The following RABEP1 variants were observed in gnomAD, a reference collection of about 807,000 sequenced individuals.
The protein encoded by RABEP1 is rabaptin, RAB GTPase binding effector protein 1.
RABEP1 carries 51 observed loss-of-function variants against 123.4 expected under a neutral mutation model. The ratio of observed to expected loss-of-function variants is 0.41; its 90% CI spans 0.33 to 0.52. The LOEUF is 0.52. RABEP1 is among the 20% of genes least tolerant of loss of function. The pLI is 0.16. For synonymous variants in RABEP1, 347 were observed against 355.2 expected, an observed-to-expected ratio of 0.98 and a Z score of 0.26; for missense variants, 888 against 996.3, an observed-to-expected ratio of 0.89 and a Z score of 1.46.
chr17:5,325,014 T>A (rs756878638), intron 2 of RABEP1, among the ~76,000 whole-genome samples: 61 of 152,160 alleles, frequency 4.0e-4, no homozygotes, highest in Admixed American at 8.5e-4. Flanking sequence ...TGGGTATATA[T>A]CCAAAAGAAA....
intron 8 of RABEP1, among the ~76,000 whole-genome samples, chr17:5,356,317 C>T (rs1909012649): frequency 6.6e-6 from 1 of 152,130 alleles, no homozygotes; most frequent in Admixed American, 6.6e-5. Context: ...GATTTTGCTA[C>T]TGCACTCCAG....
intron 1 of RABEP1, among the ~76,000 whole-genome samples, chr17:5,286,322 C>A (rs2074977381): frequency 1.3e-5 from 2 of 152,084 alleles, no homozygotes; most frequent in African/African-American, 4.8e-5. Context: ...GGTGAAACCC[C>A]ATCTCTACTA....
rs540312538 is a variant in RABEP1, at chr17:5,380,702, G to A, written c.2370+240G>A. On this transcript the variant is annotated intron_variant, in intron 16 of 17. Transcript: ENST00000537505. Reference sequence around the variant, plus strand: ...CTAGCTTCAGATAGTAGGCAGTCAGGGCCATTGACCAAGCCTGGGCACTGC... The same window carrying A: ...CTAGCTTCAGATAGTAGGCAGTCAGAGCCATTGACCAAGCCTGGGCACTGC... Among the ~76,000 whole-genome samples the A allele has an allele frequency of 1.4e-4, 22 of 152,330 alleles. No homozygotes were observed. The South Asian group carries it at 4.1e-3, about 29-fold the overall frequency.
intron 1 of RABEP1, among the ~76,000 whole-genome samples, chr17:5,288,805 G>A (rs2075004006): frequency 6.6e-6 from 1 of 152,090 alleles, no homozygotes; most frequent in South Asian, 2.1e-4. Context: ...CCAGGTTCAG[G>A]CGATTCTCGT....
intron 13 of RABEP1, among the ~76,000 whole-genome samples, chr17:5,376,557 T>G (rs961990554): frequency 6.6e-6 from 1 of 152,194 alleles, no homozygotes; most frequent in African/African-American, 2.4e-5. Context: ...ATAAATTCTA[T>G]ACTGAATTTA....
At chr17:5,361,112 C>G in intron 8 of RABEP1, 96 bp from the exon 9 acceptor site, 1 of 1,028,958 alleles carries the variant, frequency 9.7e-7, no homozygotes, top group Admixed American at 2.5e-5. Flanking sequence ...TAATGATTAT[C>G]ATGTGTAATG....
Position 5,332,299 on chromosome 17 carries a change from AGAG to A in RABEP1, c.367+148_367+150del, listed in dbSNP as rs1289517115. On this transcript the variant is annotated intron_variant, in intron 3 of 17. Coordinates refer to ENST00000537505, the MANE Select transcript of RABEP1 (RefSeq NM_004703.6). ...TCATCAAGATATACTTTCAGATAAA[AGAG>A]AAGTCACTAATAACATAAATGGATA... is the stretch of plus-strand genomic sequence containing the variant. 70 of 754,044 alleles carry A rather than the reference AGAG, an allele frequency of 9.3e-5. 1 individual carries two copies. The East Asian group carries it at 1.8e-3, about 19-fold the overall frequency. The allele number at this position is 754,044 out of a possible 1,614,324, so 46.7% of individuals were successfully genotyped here. A position where few individuals can be genotyped will look rare whatever the true frequency, so the allele number is the denominator to read the frequency against.
At position 5,384,396 on chromosome 17, in the gene RABEP1, A is replaced by T. The variant is rs1263436782; in HGVS notation, c.*1173A>T. The T allele has an allele frequency of 9.4e-6, 2 of 213,238 alleles. No homozygotes were observed. The highest frequency in any genetic ancestry group is 4.5e-5 in the African/African-American group (2 of 44,356). 13.2% of individuals were successfully genotyped at this position (213,238 alleles called of 1,614,324 possible). ...CAATACCTGCTGAGAGTACTGTCCC[A>T]GGAATATCCAGTGGATGGATTCATC... is the stretch of plus-strand genomic sequence containing the variant. On this transcript the variant is annotated 3_prime_UTR_variant, in exon 18 of 18. Coordinates refer to ENST00000537505, the MANE Select transcript of RABEP1 (RefSeq NM_004703.6).
rs146209656 is a variant in RABEP1 at position 5,298,503 on chromosome 17, T to G, written c.35-10191T>G. ...ATTCTTTATGAATAGTTCTCCACTC[T>G]GAATTGTGTGTGTATGTGCATAATG... On this transcript the variant is annotated intron_variant, in intron 1 of 17. Coordinates refer to ENST00000537505, the MANE Select transcript of RABEP1 (RefSeq NM_004703.6). Among the ~76,000 whole-genome samples the G allele has an allele frequency of 9.8e-4, 149 of 152,348 alleles. 1 individual carries two copies. The highest frequency in any genetic ancestry group is 3.5e-3 in the African/African-American group (147 of 41,584).
chr17:5,346,990 AATAAC>A, intron 6 of RABEP1, 65 bp downstream of exon 6: 1 of 1,246,876 alleles, frequency 8.0e-7, no homozygotes, highest in Non-Finnish European at 1.1e-6. Context: ...GATGTTGACT[AATAAC>A]AGTGACAAAT....
chr17:5,313,137 C>T (rs2075261579), intron 2 of RABEP1, among the ~76,000 whole-genome samples: 1 of 152,136 alleles, frequency 6.6e-6, no homozygotes, highest in African/African-American at 2.4e-5. Flanking sequence ...TCTGGTTATT[C>T]AGTATCTTTA....
chr17:5,291,773 T>C (rs2075036049), intron 1 of RABEP1, among the ~76,000 whole-genome samples: 1 of 152,032 alleles, frequency 6.6e-6, no homozygotes, highest in Non-Finnish European at 1.5e-5. Flanking sequence ...CCTGATGGTG[T>C]GCGCCTGTAA....
intron 3 of RABEP1, among the ~76,000 whole-genome samples, chr17:5,333,345 G>A (rs1288412872): frequency 2.6e-5 from 4 of 151,906 alleles, no homozygotes; most frequent in African/African-American, 9.7e-5. Flanking sequence ...TGTATTTTTA[G>A]TAGAGACTGG....
chr17:5,284,186 A>T (rs1301759821), intron 1 of RABEP1: 1 of 152,318 alleles, frequency 6.6e-6, no homozygotes, highest in East Asian at 1.9e-4. Context: ...TGAAGATATG[A>T]AATGGTCTTC....
At chr17:5,298,473 A>G (rs1029578684) in intron 1 of RABEP1, among the ~76,000 whole-genome samples, 1 of 152,206 alleles carries the variant, frequency 6.6e-6, no homozygotes, top group Non-Finnish European at 1.5e-5. Context: ...ACCAGAGATT[A>G]TGATATTCTT....
intron 16 of RABEP1, 78 bp from the exon 17 acceptor site, chr17:5,381,311 G>C (rs1367157247): frequency 6.4e-7 from 1 of 1,552,878 alleles, no homozygotes; most frequent in Non-Finnish European, 8.7e-7. Flanking sequence ...CCTAGTAGTA[G>C]GTAACTACAA....
rs1339524631 is a variant in RABEP1, at chr17:5,301,441, TAGAC to T, written c.35-7250_35-7247del. Among the ~76,000 whole-genome samples, 5 of 152,272 alleles carry T rather than the reference TAGAC, an allele frequency of 3.3e-5. No individual in the cohort carries two copies. In the East Asian group the frequency reaches 7.7e-4, roughly 24 times the overall value. On this transcript the variant is annotated intron_variant, in intron 1 of 17. Transcript: ENST00000537505. ...GTAAGAAGACTATGCAAAGGATTGA[TAGAC>T]AGCCATGGATATGGCAGTTGTCAAC...
chr17:5,320,421 C>CAAAAAAAAAAAAAAAAA (rs60202531), intron 2 of RABEP1, among the ~76,000 whole-genome samples: 45 of 84,620 alleles, frequency 5.3e-4, no homozygotes, highest in Middle Eastern at 8.2e-3. Context: ...GCTAACACAC[C>CAAAAAAAAAAAAAAAAA]AAAAAAAAAA....
In RABEP1 at chr17:5,308,710, G is replaced by A; in HGVS notation, c.51G>A (p.Arg17=). 6.2e-7 allele frequency: 1 copy of A among 1,611,296 alleles called. No individual in the cohort carries two copies. The highest frequency in any genetic ancestry group is 8.5e-7 in the Non-Finnish European group (1 of 1,178,970). ...TTCCCCCAGTTTCTCTTCAGCAACG[G>A]GTAGCAGAATTGGAAAAAATTAATG... The part of the protein sequence containing the change: ...ASQPDVSLQQ[R]VAELEKINAE... The change falls in exon 2 of 18, where the codon CGG becomes CGA. Residue 17 remains arginine (R), a synonymous_variant. Transcript: ENST00000537505.
Sources: allele counts gnomAD v4.1 joint callset (sites outside exome capture counted in the v4.1 genomes callset), GRCh38; gene constraint gnomAD v4.1.1; transcripts MANE v1.5; gene names NCBI Gene and HGNC (gene_info 2026-07-23, HGNC 2026-07-21).